ZDHHC11B: variants seen among roughly 807,000 people sequenced by gnomAD.
ZDHHC11B encodes the protein zDHHC palmitoyltransferase 11B (putative), also known as probable palmitoyltransferase ZDHHC11B.
A neutral mutation model predicts 42.3 loss-of-function variants in ZDHHC11B; 17 were observed. The observed-to-expected ratio is 0.40, with a 90% confidence interval of 0.27 to 0.60. The LOEUF is 0.60. Among genes scored for constraint, ZDHHC11B ranks in the 20% least tolerant of loss-of-function variants. The pLI is 0.41. For missense variants in ZDHHC11B, 262 were observed against 463.2 expected, an observed-to-expected ratio of 0.57 and a Z score of 3.99; for synonymous variants, 123 against 193.5, an observed-to-expected ratio of 0.64 and a Z score of 3.02.
At chr5:730,647 G>C (rs1238226347) in intron 11 of ZDHHC11B, among the ~76,000 whole-genome samples, 179 bp from the exon 12 acceptor site, 1 of 151,704 alleles carries the variant, frequency 6.6e-6, no homozygotes, top group Non-Finnish European at 1.5e-5. Flanking sequence ...CCCAATCCTT[G>C]TATTATGGGC....
chr5:783,495 G>A (rs554263154), intron 1 of ZDHHC11B, among the ~76,000 whole-genome samples: 1 of 152,292 alleles, frequency 6.6e-6, no homozygotes, highest in Non-Finnish European at 1.5e-5. Context: ...AGGGGTGGCC[G>A]GGGTGGGCGG....
intron 13 of ZDHHC11B, among the ~76,000 whole-genome samples, chr5:715,637 G>A (rs1374563004): frequency 1.3e-5 from 2 of 151,714 alleles, no homozygotes; most frequent in Non-Finnish European, 2.9e-5. Context: ...TTTGACTCCT[G>A]CCTCATGAAG....
chr5:736,175 T>C (rs1743490966), intron 10 of ZDHHC11B, among the ~76,000 whole-genome samples: 1 of 149,590 alleles, frequency 6.7e-6, no homozygotes, highest in African/African-American at 2.5e-5. Flanking sequence ...ACTATTCTGA[T>C]ACCAGACTCA....
At chr5:769,968 C>A (rs143427437) in intron 1 of ZDHHC11B, among the ~76,000 whole-genome samples, 1 of 151,894 alleles carries the variant, frequency 6.6e-6, no homozygotes, top group African/African-American at 2.4e-5. Flanking sequence ...CACCACAGCC[C>A]CGCGAGACGG....
In ZDHHC11B at chr5:745,625, C is replaced by T. The variant is rs572243087; in HGVS notation, c.785-327G>A. ...TGAGCTGTCTCTCACAGACCTGGGT[C>T]CCCTATACCATGCAGCCTGAGAGGT... On this transcript the variant is annotated intron_variant, in intron 8 of 13. Transcript: ENST00000508859. Among the ~76,000 whole-genome samples the T allele has an allele frequency of 7.9e-4, 118 of 150,114 alleles. 5 individuals are homozygous for T. Among genetic ancestry groups the T allele is most frequent in the African/African-American group, 2.5e-3 (102 of 40,918 alleles).
chr5:722,112 A>G (rs391153), intron 12 of ZDHHC11B, among the ~76,000 whole-genome samples: 72,970 of 148,770 alleles, frequency 0.49, 13,731 homozygotes, highest in Middle Eastern at 0.54. Flanking sequence ...GAAAACCCTT[A>G]GTAGAAATAA....
At chr5:767,292 G>C in intron 3 of ZDHHC11B, 100 bp downstream of exon 3, 5 of 1,342,446 alleles carry the variant, frequency 3.7e-6, no homozygotes, top group Non-Finnish European at 5.2e-6. Context: ...GCTGCGGGAT[G>C]GCCCTCTCCC....
chr5:777,931 T>A (rs1435914982), intron 1 of ZDHHC11B, among the ~76,000 whole-genome samples: 2 of 151,766 alleles, frequency 1.3e-5, no homozygotes, highest in Non-Finnish European at 2.9e-5. Context: ...GGGCGTGGCC[T>A]CGGCATGGCG....
At chr5:739,816 C>T (rs1327421557) in intron 10 of ZDHHC11B, among the ~76,000 whole-genome samples, 8 of 141,922 alleles carry the variant, frequency 5.6e-5, no homozygotes, top group African/African-American at 2.0e-4. Flanking sequence ...TACTTGCACC[C>T]ACATGTTTAT....
At chr5:784,553 G>T (rs1389066333) in intron 1 of ZDHHC11B, among the ~76,000 whole-genome samples, 115 bp downstream of exon 1, 14 of 152,324 alleles carry the variant, frequency 9.2e-5, no homozygotes, top group African/African-American at 3.4e-4. Context: ...TGGCTCGGGG[G>T]AGCGCGGGGG....
At chr5:778,324 C>T (rs1579469200) in intron 1 of ZDHHC11B, among the ~76,000 whole-genome samples, 1 of 151,460 alleles carries the variant, frequency 6.6e-6, no homozygotes, top group African/African-American at 2.4e-5. Context: ...GTGGGACCTG[C>T]CTCCATTAAA....
chr5:783,760 ACCCATCAAAACAGCAGCCCCCAAAC>A (rs1561209844), intron 1 of ZDHHC11B, among the ~76,000 whole-genome samples: 6 of 43,210 alleles, frequency 1.4e-4, no homozygotes, highest in Admixed American at 4.1e-4. Flanking sequence ...GCCCCCAAAT[ACCCATCAAAACAGCAGCCCCCAAAC>A]CCCATCAAAA....
intron 4 of ZDHHC11B, among the ~76,000 whole-genome samples, chr5:764,374 G>A (rs1217245673): frequency 3.3e-5 from 5 of 149,898 alleles, no homozygotes; most frequent in African/African-American, 1.2e-4. Context: ...TCGGCTTGTG[G>A]GGAGGTATGA....
rs1433103057 is a variant in ZDHHC11B, at chr5:730,461, T to A, written c.1031A>T (p.Asp344Val). ...AAGTGTAGATGTACTCGGGGCATCA[T>A]CTGCTTCCTGTGGGGGGAAGGGAAG... ...QDGDSKAQEA[D>V]DAPSTSTLGL... The change falls in exon 12 of 14, where the codon GAT becomes GTT. Residue 344 changes from aspartate (D) to valine (V), a missense_variant. By Grantham distance (152) the Asp-to-Val change is radical. This residue lies in a region of ZDHHC11B where 75 missense variants were observed against 70.1 expected (regional missense o/e 1.07). Coordinates refer to ENST00000508859, the MANE Select transcript of ZDHHC11B (RefSeq NM_001351303.2). 1.3e-6 allele frequency: 2 copies of A among 1,563,642 alleles called. No individual in the cohort carries two copies. The highest frequency in any genetic ancestry group is 2.1e-5 in the Admixed American group (1 of 47,764).
At chr5:765,875 G>T (rs1186794823) in intron 4 of ZDHHC11B, among the ~76,000 whole-genome samples, 2 of 151,922 alleles carry the variant, frequency 1.3e-5, no homozygotes, top group South Asian at 4.2e-4. Context: ...CTTGAAGTTG[G>T]TGAGACCAAG....
intron 12 of ZDHHC11B, among the ~76,000 whole-genome samples, chr5:717,215 T>C (rs1395460079): frequency 3.3e-5 from 5 of 151,596 alleles, no homozygotes; most frequent in Non-Finnish European, 7.4e-5. Flanking sequence ...AGCTCATGCC[T>C]GGTACCTTCT....
Position 712,871 on chromosome 5 carries a change from T to G in ZDHHC11B, c.*8-589A>C, listed in dbSNP as rs1367041403. 1.2e-4 allele frequency among the ~76,000 whole-genome samples: 18 copies of G among 151,466 alleles called. 1 individual carries two copies. The South Asian group carries it at 3.8e-3, about 32-fold the overall frequency. ...TTGCAGTGAGCCAAGATTGGGCCAC[T>G]GCACTCCAGCCTGGGTGACACAGCG... On this transcript the variant is annotated intron_variant, in intron 13 of 13. Transcript: ENST00000508859.
At chr5:775,068 C>T (rs1233916185) in intron 1 of ZDHHC11B, among the ~76,000 whole-genome samples, 4 of 151,932 alleles carry the variant, frequency 2.6e-5, no homozygotes, top group Middle Eastern at 3.2e-3. Context: ...TACCCCTCAG[C>T]TCATCACCCC....
chr5:766,673 G>A, intron 4 of ZDHHC11B, 25 bp downstream of exon 4: 1 of 1,588,890 alleles, frequency 6.3e-7, no homozygotes, highest in Non-Finnish European at 8.6e-7. Context: ...CTCCCGCTTA[G>A]ACCATGCCAC....
Sources: gnomAD v4.1 joint callset for allele counts (sites outside exome capture counted in the v4.1 genomes callset) on GRCh38, gnomAD v4.1.1 for gene constraint, gnomAD v4.1.1 regional missense constraint, MANE v1.5 for transcripts, NCBI Gene and HGNC (gene_info 2026-07-23, HGNC 2026-07-21) for gene names.